The following DYNC2I1 variants were observed in gnomAD, a reference collection of about 807,000 sequenced individuals.
DYNC2I1 encodes cytoplasmic dynein 2 intermediate chain 1.
In DYNC2I1, 89 loss-of-function variants were observed where a neutral mutation model predicts 133.4. The observed-to-expected ratio is 0.67, with a 90% CI of 0.56 to 0.80. DYNC2I1 has a LOEUF of 0.80. DYNC2I1 is among the 30% of genes least tolerant of loss of function. The probability of loss-of-function intolerance (pLI) is 0.00; values close to 1 mark genes in which losing one functional copy is unlikely to be tolerated. For missense variants in DYNC2I1, 1,291 were observed against 1,314.5 expected, an observed-to-expected ratio of 0.98 and a Z score of 0.28; for synonymous variants, 504 against 484.3, an observed-to-expected ratio of 1.04 and a Z score of -0.54.
intron 12 of DYNC2I1, 53 bp downstream of exon 12, chr7:158,911,732 GAT>G (rs1847500689): frequency 5.8e-6 from 9 of 1,548,912 alleles, no homozygotes; most frequent in Non-Finnish European, 7.8e-6. Flanking sequence ...AGTCTAGTAG[GAT>G]AACTTTGTGT....
intron 15 of DYNC2I1, among the ~76,000 whole-genome samples, chr7:158,921,940 G>A (rs1053324119): frequency 2.0e-5 from 3 of 152,216 alleles, no homozygotes; most frequent in African/African-American, 2.4e-5. Context: ...CTGGAACGGC[G>A]CTCAGCCGCT....
intron 14 of DYNC2I1, among the ~76,000 whole-genome samples, chr7:158,917,694 A>G (rs36070932): frequency 5.7e-5 from 7 of 122,424 alleles, no homozygotes; most frequent in Admixed American, 8.7e-5. Context: ...TCCACCTCTC[A>G]CTAAACACCC....
At chr7:158,904,979 C>T (rs1846616978) in intron 10 of DYNC2I1, 6 of 280,900 alleles carry the variant, frequency 2.1e-5, no homozygotes, top group South Asian at 9.7e-5. Flanking sequence ...AATGAAAAGA[C>T]GATAAGATGC....
At position 158,922,376 on chromosome 7, in the gene DYNC2I1, G is replaced by T. The variant is rs1849186767; in HGVS notation, c.1922-1G>T. On this transcript the variant is annotated splice_acceptor_variant, in intron 15 of 24. Transcript: ENST00000407559. LOFTEE classifies it high-confidence loss of function. ...TGTGAACATATTTTTCTTCTCCCTAGATCGAAAAGTATCCTCCTTGCACAC... is the reference window on the plus strand; with the variant it reads ...TGTGAACATATTTTTCTTCTCCCTATATCGAAAAGTATCCTCCTTGCACAC... 11 of 1,612,852 alleles carry T rather than the reference G, an allele frequency of 6.8e-6. No homozygotes were observed. Among genetic ancestry groups the T allele is most frequent in the Non-Finnish European group, 9.3e-6 (11 of 1,179,480 alleles).
In DYNC2I1 at chr7:158,934,512, T is replaced by C; in HGVS notation, c.2741T>C (p.Val914Ala). 6.4e-7 allele frequency: 1 copy of C among 1,560,880 alleles called. No individual in the cohort carries two copies. The highest frequency in any genetic ancestry group is 8.7e-7 in the Non-Finnish European group (1 of 1,151,628). ...GGTATAAGACCAGTGAAAGTTAATGTCATTGATTTTTCACCATTTGGAGAA... is the reference window on the plus strand; with the variant it reads ...GGTATAAGACCAGTGAAAGTTAATGCCATTGATTTTTCACCATTTGGAGAA... ...QHGIRPVKVN[V>A]IDFSPFGEPI... The change falls in exon 23 of 25, where the codon GTC (valine) becomes GCC (alanine). Residue 914 changes from valine to alanine, a missense_variant. Val to Ala is a moderately conservative substitution (Grantham distance 64). Transcript: ENST00000407559.
At chr7:158,955,639 A>G (rs1160035921) in intron 4 of DYNC2I1, among the ~76,000 whole-genome samples, 1 of 152,250 alleles carries the variant, frequency 6.6e-6, no homozygotes, top group Non-Finnish European at 1.5e-5. Flanking sequence ...TCCTGCCTGC[A>G]GGCGTATTTT....
upstream of DYNC2I1, among the ~76,000 whole-genome samples, chr7:158,856,168 G>C (rs1200075627): frequency 6.6e-6 from 1 of 151,424 alleles, no homozygotes; most frequent in Non-Finnish European, 1.5e-5. Context: ...GGATGGTCTC[G>C]ATCTCCTGAC....
rs1271436313 is a variant in DYNC2I1 at position 158,934,160 on chromosome 7, A to G, written c.2578A>G (p.Thr860Ala). The G allele has an allele frequency of 3.9e-5, 63 of 1,612,278 alleles. No homozygotes were observed. The highest frequency in any genetic ancestry group is 5.3e-5 in the Non-Finnish European group (63 of 1,179,574). The part of the protein sequence containing the change: ...LSHKGNEFWG[T>A]TQTLNVKFLP... ...CCATAAAGGTAATGAATTTTGGGGC[A>G]CTACACAAACACTGAATGTTAAATT... The change falls in exon 22 of 25, where the codon ACT (threonine) becomes GCT (alanine). Residue 860 changes from threonine to alanine, a missense_variant. By Grantham distance (58) the Thr-to-Ala change is moderately conservative. Transcript: ENST00000407559.
At chr7:158,855,777 G>A (rs977582019), upstream of DYNC2I1, among the ~76,000 whole-genome samples, 5 of 152,130 alleles carry the variant, frequency 3.3e-5, no homozygotes, top group Non-Finnish European at 5.9e-5. Flanking sequence ...GGCTGAAGGA[G>A]TTCGGAGGTC....
rs189463304 is a variant in DYNC2I1 at position 158,901,697 on chromosome 7, A to G, written c.1060-42A>G. On this transcript the variant is annotated intron_variant, in intron 8 of 24. Coordinates refer to ENST00000407559, the MANE Select transcript of DYNC2I1 (RefSeq NM_018051.5). ...CAATCTATTTGCAATATTCAATTTT[A>G]TGATTGAATTTTTTGGTTTTGTGTT... The G allele has an allele frequency of 1.0e-5, 13 of 1,297,574 alleles. No homozygotes were observed. In the Admixed American group the frequency reaches 2.0e-4, roughly 20 times the overall value. 80.4% of individuals were successfully genotyped at this position (1,297,574 alleles called of 1,614,324 possible).
In DYNC2I1 at chr7:158,942,154, T is replaced by C. The variant is rs1233744843; in HGVS notation, c.3002+6T>C. On this transcript the variant is annotated splice_donor_region_variant and intron_variant, in intron 24 of 24. Coordinates refer to ENST00000407559, the MANE Select transcript of DYNC2I1 (RefSeq NM_018051.5). ...CAGCAGGTCTCCCCCAACAGGCAAG[T>C]GGGGAAGCTCTGGACCAGCTGCTGG... 16 of 1,533,736 alleles carry C rather than the reference T, an allele frequency of 1.0e-5. No homozygotes were observed. The highest frequency in any genetic ancestry group is 1.4e-5 in the Non-Finnish European group (16 of 1,138,034).
chr7:158,875,513 G>T (rs965235334), intron 3 of DYNC2I1, among the ~76,000 whole-genome samples: 1 of 152,172 alleles, frequency 6.6e-6, no homozygotes, highest in Non-Finnish European at 1.5e-5. Flanking sequence ...TTTGTGTGCA[G>T]ATTCAGAAGT....
chr7:158,914,793 C>T (rs542663850), intron 14 of DYNC2I1, among the ~76,000 whole-genome samples: 7 of 152,306 alleles, frequency 4.6e-5, no homozygotes, highest in South Asian at 2.1e-4. Context: ...TCGTCTGACC[C>T]CCCTGCCCAC....
intron 8 of DYNC2I1, among the ~76,000 whole-genome samples, chr7:158,899,947 A>G (rs1846085334): frequency 6.6e-6 from 1 of 152,118 alleles, no homozygotes; most frequent in South Asian, 2.1e-4. Context: ...ACTGGCAACA[A>G]ATTCCCTCAA....
intron 8 of DYNC2I1, among the ~76,000 whole-genome samples, chr7:158,896,881 C>G (rs892464485): frequency 1.6e-5 from 2 of 126,788 alleles, no homozygotes; most frequent in African/African-American, 6.0e-5. Flanking sequence ...TTTTTTTTTT[C>G]TTGTAATATC....
At chr7:158,900,360 G>A (rs1460398209) in intron 8 of DYNC2I1, among the ~76,000 whole-genome samples, 1 of 152,116 alleles carries the variant, frequency 6.6e-6, no homozygotes, top group African/African-American at 2.4e-5. Context: ...GACCTCAGAT[G>A]ATCCACCTGC....
chr7:158,861,878 C>T (rs1157904448), intron 1 of DYNC2I1, among the ~76,000 whole-genome samples: 2 of 152,126 alleles, frequency 1.3e-5, no homozygotes, highest in Non-Finnish European at 2.9e-5. Flanking sequence ...TACCAGGGAG[C>T]GTCAGTTACA....
chr7:158,856,633 G>A lies in DYNC2I1; in HGVS notation c.-103G>A, dbSNP rs949521294. 6.9e-6 allele frequency: 8 copies of A among 1,166,004 alleles called. 1 individual carries two copies. The highest frequency in any genetic ancestry group is 5.6e-4 in the Middle Eastern group (2 of 3,572). The allele number at this position is 1,166,004 out of a possible 1,614,324, so 72.2% of individuals were successfully genotyped here. On this transcript the variant is annotated 5_prime_UTR_variant, in exon 1 of 25. Coordinates refer to ENST00000407559, the MANE Select transcript of DYNC2I1 (RefSeq NM_018051.5). ...CCTGCTTGTCGGTTGCTAGGCGCTGGGACGCGCCTCCCGAAGGGTGCGGGG... is the reference window on the plus strand; with the variant it reads ...CCTGCTTGTCGGTTGCTAGGCGCTGAGACGCGCCTCCCGAAGGGTGCGGGG...
At chr7:158,890,675 GA>G (rs1845120265) in intron 7 of DYNC2I1, among the ~76,000 whole-genome samples, 1 of 151,802 alleles carries the variant, frequency 6.6e-6, no homozygotes, top group Non-Finnish European at 1.5e-5. Context: ...CTGAGTTCAA[GA>G]GATTTTCCTG....
Sources: allele counts gnomAD v4.1 joint callset (sites outside exome capture counted in the v4.1 genomes callset), GRCh38; gene constraint gnomAD v4.1.1; transcripts MANE v1.5; gene names NCBI Gene and HGNC (gene_info 2026-07-23, HGNC 2026-07-21).